The following KIF6 variants were observed in gnomAD, a reference collection of about 807,000 sequenced individuals.
KIF6 encodes kinesin family member 6, also known as kinesin-like protein KIF6.
Under a neutral mutation model 112.7 loss-of-function variants are expected in KIF6, and 106 were observed. That is an observed-to-expected ratio of 0.94 (90% CI 0.80 to 1.11). The LOEUF (loss-of-function observed/expected upper bound fraction) is 1.11. Among genes scored for constraint, KIF6 ranks in the 50% least tolerant of loss-of-function variants. KIF6 has a pLI of 0.00. For missense variants in KIF6, 929 were observed against 964.0 expected (o/e 0.96, Z 0.48); for synonymous variants, 339 against 339.9 (o/e 1.00, Z 0.03).
At chr6:39,513,560 G>A (rs188742740) in intron 13 of KIF6, among the ~76,000 whole-genome samples, 6 of 152,274 alleles carry the variant, frequency 3.9e-5, no homozygotes, top group Admixed American at 6.5e-5. Flanking sequence ...TCTCCATCAC[G>A]TTTCCATCTA....
At chr6:39,712,464 T>C (rs934701554) in intron 3 of KIF6, among the ~76,000 whole-genome samples, 3 of 152,154 alleles carry the variant, frequency 2.0e-5, no homozygotes, top group Non-Finnish European at 2.9e-5. Flanking sequence ...GAAACCTTGT[T>C]ATCATGGAGT....
At chr6:39,524,615 C>G (rs949794473) in intron 13 of KIF6, among the ~76,000 whole-genome samples, 9 of 152,216 alleles carry the variant, frequency 5.9e-5, no homozygotes, top group African/African-American at 2.2e-4. Flanking sequence ...AGGACTACAT[C>G]CAACGACTGA....
At chr6:39,520,293 C>A (rs983892727) in intron 13 of KIF6, among the ~76,000 whole-genome samples, 2 of 151,964 alleles carry the variant, frequency 1.3e-5, no homozygotes, top group East Asian at 3.9e-4. Context: ...TGCATAAGAC[C>A]CACTTATAGG....
At chr6:39,663,593 G>A (rs1410143228) in intron 3 of KIF6, among the ~76,000 whole-genome samples, 1 of 151,904 alleles carries the variant, frequency 6.6e-6, no homozygotes, top group Non-Finnish European at 1.5e-5. Flanking sequence ...GTTGATGAGG[G>A]GAATTTATAA....
chr6:39,375,432 C>T (rs575256975), intron 16 of KIF6, among the ~76,000 whole-genome samples: 1 of 152,302 alleles, frequency 6.6e-6, no homozygotes, highest in Non-Finnish European at 1.5e-5. Context: ...ATACACATAT[C>T]ACAACATCAC....
At chr6:39,692,143 G>A (rs569772028) in intron 3 of KIF6, among the ~76,000 whole-genome samples, 41 of 152,232 alleles carry the variant, frequency 2.7e-4, no homozygotes, top group Middle Eastern at 3.4e-3. Context: ...GCGAGACTCC[G>A]TTTCAAAACA....
chr6:39,432,655 C>T (rs947364622), intron 13 of KIF6, among the ~76,000 whole-genome samples: 1 of 152,128 alleles, frequency 6.6e-6, no homozygotes, highest in Admixed American at 6.5e-5. Flanking sequence ...CCTGGGAATC[C>T]GCTTGTGTGA....
intron 6 of KIF6, among the ~76,000 whole-genome samples, chr6:39,604,725 G>A (rs571360800): frequency 2.0e-4 from 31 of 152,206 alleles, no homozygotes; most frequent in Admixed American, 1.3e-4. Flanking sequence ...CATATAATAA[G>A]AATGTTCTAA....
intron 16 of KIF6, among the ~76,000 whole-genome samples, chr6:39,384,915 A>T (rs905106617): frequency 1.3e-5 from 2 of 152,228 alleles, no homozygotes; most frequent in Non-Finnish European, 2.9e-5. Context: ...ATTGGGTCAC[A>T]TATCAAAAAA....
intron 15 of KIF6, among the ~76,000 whole-genome samples, chr6:39,399,114 C>G (rs1768495970): frequency 6.6e-6 from 1 of 152,222 alleles, no homozygotes; most frequent in African/African-American, 2.4e-5. Context: ...TCGAGTTGAA[C>G]TTGCCAGCCC....
intron 18 of KIF6, 114 bp downstream of exon 18, chr6:39,360,281 G>A (rs1765026946): frequency 4.2e-6 from 5 of 1,188,128 alleles, no homozygotes; most frequent in South Asian, 1.5e-5. Context: ...TCATGAGCAG[G>A]GGCTGAGACC....
chr6:39,553,485 G>T (rs1030630179), intron 10 of KIF6, among the ~76,000 whole-genome samples: 1 of 152,092 alleles, frequency 6.6e-6, no homozygotes, highest in African/African-American at 2.4e-5. Flanking sequence ...TGAAGATAAG[G>T]CCTATTTATA....
chr6:39,675,787 AT>A (rs1787100529), intron 3 of KIF6, among the ~76,000 whole-genome samples: 1 of 152,092 alleles, frequency 6.6e-6, no homozygotes, highest in African/African-American at 2.4e-5. Context: ...GGAAAAAAAA[AT>A]GACCAAGTAG....
rs1360354001 is a variant in KIF6 at position 39,634,931 on chromosome 6, T to C, written c.427A>G (p.Ile143Val). The stretch of plus-strand genomic sequence containing the variant: ...TCATTGTAGATTTCCAAATAGGAAA[T>C]GTGTGTTGTATATATTTTGCTGCTG... Reference protein sequence around the residue: ...KDSSKIYTTHISYLEIYNECG... With the variant: ...KDSSKIYTTHVSYLEIYNECG... The change falls in exon 5 of 23, where the codon ATT becomes GTT. Residue 143 changes from isoleucine (I) to valine (V), a missense_variant. This residue lies in a region of KIF6 where 688 missense variants were observed against 662.7 expected (regional missense o/e 1.04). Transcript: ENST00000287152. The C allele has an allele frequency of 6.2e-7, 1 of 1,610,392 alleles. No individual in the cohort carries two copies. Among genetic ancestry groups the C allele is most frequent in the Non-Finnish European group, 8.5e-7 (1 of 1,176,936 alleles).
chr6:39,601,670 C>T (rs1006571095), intron 6 of KIF6, among the ~76,000 whole-genome samples: 3 of 151,216 alleles, frequency 2.0e-5, no homozygotes, highest in Non-Finnish European at 1.5e-5. Flanking sequence ...GTTACTATAC[C>T]GGATTTGCTC....
intron 13 of KIF6, among the ~76,000 whole-genome samples, chr6:39,439,773 C>T (rs149701040): frequency 1.3e-5 from 2 of 152,028 alleles, no homozygotes; most frequent in Non-Finnish European, 2.9e-5. Flanking sequence ...GGAAGCCCTC[C>T]CCATCCCCAA....
rs191925767 is a variant in KIF6, at chr6:39,460,929, A to C, written c.1646-29768T>G. 2.6e-5 allele frequency among the ~76,000 whole-genome samples: 4 copies of C among 152,304 alleles called. No individual in the cohort carries two copies. The East Asian group carries it at 7.7e-4, about 29-fold the overall frequency. Reference sequence around the variant, plus strand: ...TTTCCAACATGGCAGGCTTCAACTCATTCTTCTAATTTCAGTTCAAATGCT... The same window carrying C: ...TTTCCAACATGGCAGGCTTCAACTCCTTCTTCTAATTTCAGTTCAAATGCT... On this transcript the variant is annotated intron_variant, in intron 13 of 22. Transcript: ENST00000287152.
intron 16 of KIF6, among the ~76,000 whole-genome samples, chr6:39,383,862 C>G (rs539518279): frequency 6.6e-6 from 1 of 152,150 alleles, no homozygotes; most frequent in Non-Finnish European, 1.5e-5. Flanking sequence ...TCATAGAGAT[C>G]TTTCACCTTC....
intron 6 of KIF6, among the ~76,000 whole-genome samples, chr6:39,596,466 G>C (rs938234313): frequency 1.3e-5 from 2 of 152,138 alleles, no homozygotes; most frequent in Admixed American, 1.3e-4. Context: ...ATGTGGATGG[G>C]TTGATTCAGA....
Sources: gnomAD v4.1 joint callset for allele counts (sites outside exome capture counted in the v4.1 genomes callset) on GRCh38, gnomAD v4.1.1 for gene constraint, gnomAD v4.1.1 regional missense constraint, MANE v1.5 for transcripts, NCBI Gene and HGNC (gene_info 2026-07-23, HGNC 2026-07-21) for gene names.